The following DLC1 variants were observed in gnomAD, a reference collection of about 807,000 sequenced individuals.
DLC1 encodes rho GTPase-activating protein 7.
In DLC1, 54 loss-of-function variants were observed where a neutral mutation model predicts 140.3. The observed-to-expected ratio is 0.38, with a 90% CI of 0.31 to 0.48. DLC1 has a LOEUF of 0.48. DLC1 is among the 20% of genes least tolerant of loss of function. The pLI is 0.96. For synonymous variants in DLC1, 986 were observed against 728.1 expected, an observed-to-expected ratio of 1.35 and a Z score of -5.70; for missense variants, 2,536 against 1,907.0, an observed-to-expected ratio of 1.33 and a Z score of -6.14.
At chr8:13,200,469 C>T (rs1349756993) in intron 5 of DLC1, among the ~76,000 whole-genome samples, 1 of 152,148 alleles carries the variant, frequency 6.6e-6, no homozygotes, top group Admixed American at 6.5e-5. Flanking sequence ...TGATTCCTAA[C>T]CAGACGAATT....
chr8:13,243,201 A>T (rs1829616645), intron 5 of DLC1, among the ~76,000 whole-genome samples: 1 of 151,660 alleles, frequency 6.6e-6, no homozygotes, highest in South Asian at 2.1e-4. Context: ...GAGGCAGGAA[A>T]ATCACTTGAA....
chr8:13,563,573 T>G (rs1250249085), intron 1 of DLC1, among the ~76,000 whole-genome samples: 1 of 152,170 alleles, frequency 6.6e-6, no homozygotes, highest in Non-Finnish European at 1.5e-5. Flanking sequence ...CACAGAACCT[T>G]GCACAGTGAC....
At chr8:13,305,412 C>A in intron 4 of DLC1, 110 bp from the exon 5 acceptor site, 3 of 1,139,188 alleles carry the variant, frequency 2.6e-6, no homozygotes, top group East Asian at 2.5e-5. Context: ...ATAGAGAATG[C>A]CAATAGAAAA....
chr8:13,120,353 A>AT (rs1350628995), intron 5 of DLC1, among the ~76,000 whole-genome samples: 44 of 115,520 alleles, frequency 3.8e-4, no homozygotes, highest in African/African-American at 1.9e-3. Context: ...AAAAAAAAAA[A>AT]AAAATATATA....
At chr8:13,429,133 G>C (rs774057664) in intron 2 of DLC1, among the ~76,000 whole-genome samples, 1 of 152,132 alleles carries the variant, frequency 6.6e-6, no homozygotes, top group African/African-American at 2.4e-5. Context: ...CCTCAATGGC[G>C]TTTAAGGTGT....
rs191224135 is a variant in DLC1 at position 13,126,368 on chromosome 8, T to C, written c.1349-10711A>G. Among the ~76,000 whole-genome samples, 294 of 145,602 alleles carry C rather than the reference T, an allele frequency of 2.0e-3. 1 individual carries two copies. Among genetic ancestry groups the C allele is most frequent in the African/African-American group, 5.5e-3 (214 of 39,204 alleles). On this transcript the variant is annotated intron_variant, in intron 5 of 17. Transcript: ENST00000276297. ...AGGGACACACATATCTCTCTATCCATACACACACACACACACACACACACA... is the reference window on the plus strand; with the variant it reads ...AGGGACACACATATCTCTCTATCCACACACACACACACACACACACACACA...
intron 1 of DLC1, among the ~76,000 whole-genome samples, chr8:13,508,778 A>G (rs1169329862): frequency 1.3e-5 from 2 of 151,960 alleles, no homozygotes; most frequent in Non-Finnish European, 1.5e-5. Flanking sequence ...ATTTTTTTTT[A>G]AGTATGCAAT....
chr8:13,416,928 A>G (rs1248480428), intron 2 of DLC1, among the ~76,000 whole-genome samples: 1 of 152,052 alleles, frequency 6.6e-6, no homozygotes, highest in Admixed American at 6.6e-5. Context: ...ATGCCCTCAC[A>G]TATTAAAATC....
intron 4 of DLC1, among the ~76,000 whole-genome samples, chr8:13,361,475 A>G (rs73203996): frequency 0.13 from 19,539 of 151,856 alleles, 1,401 homozygotes; most frequent in South Asian, 0.17. Context: ...TATGTTACTC[A>G]GGCTGGTCTT....
At chr8:13,425,329 T>C (rs1386856004) in intron 2 of DLC1, among the ~76,000 whole-genome samples, 2 of 152,188 alleles carry the variant, frequency 1.3e-5, no homozygotes, top group Admixed American at 1.3e-4. Context: ...TCAATATTGA[T>C]GGAGCCATGT....
Position 13,149,164 on chromosome 8 carries a change from T to G in DLC1, c.1349-33507A>C, listed in dbSNP as rs533577502. 1.5e-4 allele frequency among the ~76,000 whole-genome samples: 23 copies of G among 152,282 alleles called. No homozygotes were observed. In the South Asian group the frequency reaches 4.1e-3, roughly 27 times the overall value. The stretch of plus-strand genomic sequence containing the variant: ...CAAAATACAGAAGGCACAATCTCAA[T>G]TCTATTATCCTGAGAGAGCTTAACT... On this transcript the variant is annotated intron_variant, in intron 5 of 17. Transcript: ENST00000276297.
At chr8:13,468,790 A>T (rs1440660324) in intron 2 of DLC1, among the ~76,000 whole-genome samples, 2 of 91,474 alleles carry the variant, frequency 2.2e-5, no homozygotes, top group Non-Finnish European at 2.2e-5. Context: ...GTTGTTGTTG[A>T]TTCTCCCAAT....
intron 4 of DLC1, among the ~76,000 whole-genome samples, chr8:13,312,293 G>A (rs1415636254): frequency 9.1e-6 from 1 of 109,592 alleles, no homozygotes; most frequent in Non-Finnish European, 1.8e-5. Flanking sequence ...CCCGGGAGGC[G>A]GAGCTTGCAG....
intron 14 of DLC1, 45 bp downstream of exon 14, chr8:13,091,273 T>G: frequency 6.3e-7 from 1 of 1,594,368 alleles, no homozygotes; most frequent in Non-Finnish European, 8.6e-7. Flanking sequence ...TTTGTACCTA[T>G]TCACATTATC....
At chr8:13,125,864 C>T (rs181712106) in intron 5 of DLC1, among the ~76,000 whole-genome samples, 14 of 151,958 alleles carry the variant, frequency 9.2e-5, no homozygotes, top group Admixed American at 7.9e-4. Context: ...GATGTGATGA[C>T]AACTTAATAA....
chr8:13,256,107 A>G (rs1830215528), intron 5 of DLC1, among the ~76,000 whole-genome samples: 1 of 152,220 alleles, frequency 6.6e-6, no homozygotes. Context: ...GTTGAGACCC[A>G]GACTAAGGTT....
intron 5 of DLC1, among the ~76,000 whole-genome samples, chr8:13,260,875 C>T (rs557135809): frequency 8.5e-5 from 13 of 152,192 alleles, no homozygotes; most frequent in African/African-American, 2.7e-4. Flanking sequence ...CCTCAAATTC[C>T]CAATATCTAT....
At chr8:13,222,022 A>G (rs1828582878) in intron 5 of DLC1, among the ~76,000 whole-genome samples, 1 of 148,546 alleles carries the variant, frequency 6.7e-6, no homozygotes, top group Non-Finnish European at 1.5e-5. Context: ...GCCAAGTGAG[A>G]AGTTAAACTT....
At chr8:13,102,751 C>T (rs1563602448) in intron 8 of DLC1, 39 bp downstream of exon 8, 4 of 1,573,208 alleles carry the variant, frequency 2.5e-6, no homozygotes, top group Admixed American at 3.5e-5. Flanking sequence ...TTGTTTGCCC[C>T]TTTTCCCCCT....
Sources: gnomAD v4.1 joint callset for allele counts (sites outside exome capture counted in the v4.1 genomes callset) on GRCh38, gnomAD v4.1.1 for gene constraint, MANE v1.5 for transcripts, NCBI Gene and HGNC (gene_info 2026-07-23, HGNC 2026-07-21) for gene names.